The following UBA2 variants were observed in gnomAD, a reference collection of about 807,000 sequenced individuals.
UBA2 encodes ubiquitin like modifier activating enzyme 2, also known as SUMO-activating enzyme subunit 2.
In UBA2, 11 loss-of-function variants were observed where a neutral mutation model predicts 77.2. That is an observed-to-expected ratio of 0.14 (90% CI 0.09 to 0.24). UBA2 has a LOEUF of 0.24. UBA2 is among the 10% of genes least tolerant of loss of function. The pLI is 1.00. For missense variants in UBA2, 487 were observed against 781.7 expected, an observed-to-expected ratio of 0.62 and a Z score of 4.50; for synonymous variants, 278 against 276.7, an observed-to-expected ratio of 1.00 and a Z score of -0.05.
chr19:34,445,314 C>T (rs2075416229), intron 8 of UBA2, among the ~76,000 whole-genome samples, 193 bp downstream of exon 8: 1 of 152,124 alleles, frequency 6.6e-6, no homozygotes, highest in Non-Finnish European at 1.5e-5. Context: ...TACACTAAAT[C>T]TATCAGTATA....
chr19:34,428,593 T>A, intron 1 of UBA2, 23 bp downstream of exon 1: 2 of 1,229,306 alleles, frequency 1.6e-6, no homozygotes, highest in Non-Finnish European at 2.1e-6. Flanking sequence ...CGCGCGCGCG[T>A]GAATGGCGGG....
chr19:34,456,567 C>CT (rs1245795362), intron 12 of UBA2, among the ~76,000 whole-genome samples: 3 of 151,294 alleles, frequency 2.0e-5, no homozygotes, highest in Non-Finnish European at 4.4e-5. Flanking sequence ...TTTTTGGTAT[C>CT]TTTTTTTTGA....
In UBA2 at chr19:34,452,045, T is replaced by C; in HGVS notation, c.936T>C (p.Val312=). 1 of 1,610,874 alleles carries C rather than the reference T, an allele frequency of 6.2e-7. No homozygotes were observed. The highest frequency in any genetic ancestry group is 8.5e-7 in the Non-Finnish European group (1 of 1,177,808). ...AGTTAGGCCTGAAAGACCAGCAGGT[T>C]CTAGATGTAAAGAGCTATGCACGTC... The part of the protein sequence containing the change: ...EPQLGLKDQQ[V]LDVKSYARLF... The change falls in exon 10 of 17, where the codon GTT becomes GTC. Residue 312 remains valine, a synonymous_variant. Transcript: ENST00000246548.
chr19:34,430,481 A>G (rs2075241070), intron 1 of UBA2, 95 bp from the exon 2 acceptor site: 1 of 803,900 alleles, frequency 1.2e-6, no homozygotes, highest in Non-Finnish European at 2.0e-6. Context: ...AATGTAGCAG[A>G]TATCAAAAGT....
At chr19:34,467,940 C>T (rs888430308) in intron 16 of UBA2, among the ~76,000 whole-genome samples, 2 of 152,124 alleles carry the variant, frequency 1.3e-5, no homozygotes, top group Admixed American at 6.5e-5. Context: ...TTTTAAGGAG[C>T]AATAAATCCA....
intron 7 of UBA2, 122 bp downstream of exon 7, chr19:34,444,033 GTTTTTTTTTTGTTTT>G (rs2075399040): frequency 5.4e-5 from 11 of 202,740 alleles, no homozygotes; most frequent in Admixed American, 7.6e-5. Flanking sequence ...TTTAACATGT[GTTTTTTTTTTGTTTT>G]TTTTTTTTTT....
intron 15 of UBA2, among the ~76,000 whole-genome samples, chr19:34,466,335 C>T (rs1457196113): frequency 2.6e-5 from 4 of 151,498 alleles, no homozygotes; most frequent in Admixed American, 6.6e-5. Flanking sequence ...GACTCCGTCT[C>T]GAAAAAAAGA....
chr19:34,455,093 C>T (rs1393573761), intron 12 of UBA2, among the ~76,000 whole-genome samples: 1 of 152,086 alleles, frequency 6.6e-6, no homozygotes, highest in Non-Finnish European at 1.5e-5. Context: ...TTTAGGGACC[C>T]ATTGTAGATG....
chr19:34,441,931 A>AC (rs1491534508), intron 6 of UBA2, among the ~76,000 whole-genome samples: 1 of 21,240 alleles, frequency 4.7e-5, no homozygotes, highest in Non-Finnish European at 3.4e-4. Flanking sequence ...AGAAAAAGAC[A>AC]AAAAAAAAAA....
intron 12 of UBA2, among the ~76,000 whole-genome samples, chr19:34,455,825 T>G (rs936412953): frequency 4.6e-5 from 7 of 152,056 alleles, no homozygotes; most frequent in South Asian, 2.1e-4. Flanking sequence ...GTATTTTTAG[T>G]AGAGACGGGT....
At chr19:34,456,791 C>T (rs903927633) in intron 12 of UBA2, among the ~76,000 whole-genome samples, 1 of 152,028 alleles carries the variant, frequency 6.6e-6, no homozygotes, top group Non-Finnish European at 1.5e-5. Context: ...CTCCTGACCT[C>T]AGGTGATCTG....
intron 8 of UBA2, among the ~76,000 whole-genome samples, chr19:34,446,828 A>C (rs1435108673): frequency 6.6e-6 from 1 of 151,984 alleles, no homozygotes; most frequent in Non-Finnish European, 1.5e-5. Flanking sequence ...GCTGGTCTCG[A>C]ACTCCTACCT....
At chr19:34,456,031 C>A (rs1568380486) in intron 12 of UBA2, among the ~76,000 whole-genome samples, 1 of 151,434 alleles carries the variant, frequency 6.6e-6, no homozygotes, top group Non-Finnish European at 1.5e-5. Flanking sequence ...CCCACCTTGG[C>A]CCCCCAAAGT....
rs555114883 is a variant in UBA2, at chr19:34,431,160, T to C, written c.222+501T>C. Among the ~76,000 whole-genome samples the C allele has an allele frequency of 5.9e-5, 9 of 152,058 alleles. No individual in the cohort carries two copies. The South Asian group carries it at 1.9e-3, about 32-fold the overall frequency. ...ATATTTTGGCTTCCTCCTCCAGGAG[T>C]ACTTTCCTAAACCTTTTAGACTAAG... On this transcript the variant is annotated intron_variant, in intron 2 of 16. Transcript: ENST00000246548.
At position 34,435,056 on chromosome 19, in the gene UBA2, T is replaced by C. The variant is rs943419265; in HGVS notation, c.459+88T>C. 42 of 909,056 alleles carry C rather than the reference T, an allele frequency of 4.6e-5. No individual in the cohort carries two copies. The Admixed American group carries it at 5.0e-4, about 11-fold the overall frequency. 56.3% of individuals were successfully genotyped at this position (909,056 alleles called of 1,614,324 possible). ...AAATAAACTTTGTATTTATATAAAATGAACAGGTGAACATCCAAAATGTAA... is the reference window on the plus strand; with the variant it reads ...AAATAAACTTTGTATTTATATAAAACGAACAGGTGAACATCCAAAATGTAA... On this transcript the variant is annotated intron_variant, in intron 5 of 16. Transcript: ENST00000246548.
At chr19:34,433,017 A>G (rs2075272241) in intron 3 of UBA2, among the ~76,000 whole-genome samples, 1 of 152,208 alleles carries the variant, frequency 6.6e-6, no homozygotes, top group Non-Finnish European at 1.5e-5. Flanking sequence ...GAGGCCAGGC[A>G]GATCCTGGGA....
intron 5 of UBA2, among the ~76,000 whole-genome samples, chr19:34,438,251 T>C (rs1599895515): frequency 6.7e-6 from 1 of 148,906 alleles, no homozygotes; most frequent in Admixed American, 6.7e-5. Context: ...TATAAGAAAA[T>C]GGCTGCGAAT....
chr19:34,457,179 A>AATATATATATATAT (rs766043321), intron 12 of UBA2, among the ~76,000 whole-genome samples: 27 of 53,208 alleles, frequency 5.1e-4, no homozygotes, highest in African/African-American at 2.9e-3. Context: ...AAAAAAAAAA[A>AATATATATATATAT]ATATATATAT....
rs780926045 is a variant in UBA2, at chr19:34,444,990, C to T, written c.650-10C>T. ...TTACGGTTGAAAATAAAATAATGATCGTTTTATAGGGGAACCAACGGAAGC... is the reference window on the plus strand; with the variant it reads ...TTACGGTTGAAAATAAAATAATGATTGTTTTATAGGGGAACCAACGGAAGC... On this transcript the variant is annotated splice_polypyrimidine_tract_variant and intron_variant, in intron 7 of 16. Transcript: ENST00000246548. 1.7e-5 allele frequency: 27 copies of T among 1,603,502 alleles called. No individual in the cohort carries two copies. In the Admixed American group the frequency reaches 3.8e-4, roughly 23 times the overall value.
Sources: gnomAD v4.1 joint callset for allele counts (sites outside exome capture counted in the v4.1 genomes callset) on GRCh38, gnomAD v4.1.1 for gene constraint, MANE v1.5 for transcripts, NCBI Gene and HGNC (gene_info 2026-07-23, HGNC 2026-07-21) for gene names.